DOCK4: variants seen among roughly 807,000 people sequenced by gnomAD.
DOCK4 encodes dedicator of cytokinesis 4.
DOCK4 carries 97 observed loss-of-function variants against 268.1 expected under a neutral mutation model. That is an observed-to-expected ratio of 0.36 (90% CI 0.31 to 0.43). The LOEUF is 0.43. DOCK4 is among the 20% of genes least tolerant of loss of function. The pLI, the probability that DOCK4 is intolerant of heterozygous loss-of-function variation, is 1.00. For synonymous variants in DOCK4, 954 were observed against 887.2 expected, an observed-to-expected ratio of 1.08 and a Z score of -1.34; for missense variants, 2,145 against 2,455.7, an observed-to-expected ratio of 0.87 and a Z score of 2.67.
chr7:111,963,184 T>G (rs949042285), intron 8 of DOCK4, among the ~76,000 whole-genome samples: 3 of 152,060 alleles, frequency 2.0e-5, no homozygotes, highest in Non-Finnish European at 2.9e-5. Flanking sequence ...CCATAAAAAT[T>G]TACTGTCTAG....
intron 6 of DOCK4, among the ~76,000 whole-genome samples, chr7:111,986,544 AAGAG>A (rs1799066990): frequency 6.6e-6 from 1 of 152,138 alleles, no homozygotes; most frequent in Non-Finnish European, 1.5e-5. Flanking sequence ...GCAAGTAGGG[AAGAG>A]AGAGGATGAG....
At chr7:112,164,601 A>G (rs1225391295) in intron 1 of DOCK4, among the ~76,000 whole-genome samples, 2 of 152,228 alleles carry the variant, frequency 1.3e-5, no homozygotes, top group African/African-American at 4.8e-5. Flanking sequence ...AATTCAACAC[A>G]TGGAAAAGTC....
At chr7:111,784,018 T>A in intron 33 of DOCK4, 66 bp from the exon 34 acceptor site, 6 of 1,570,622 alleles carry the variant, frequency 3.8e-6, no homozygotes, top group Non-Finnish European at 5.2e-6. Flanking sequence ...ACAACCACTT[T>A]ACTTTCATCA....
At position 111,736,995 on chromosome 7, in the gene DOCK4, A is replaced by C; in HGVS notation, c.5233-6T>G. On this transcript the variant is annotated splice_region_variant and splice_polypyrimidine_tract_variant and intron_variant, in intron 49 of 52. Transcript: ENST00000428084. ...ATATGATTAAACAGCATCCTCTGCA[A>C]AGTTACAAGGGTTGATTTTTATGAT... is the stretch of plus-strand genomic sequence containing the variant. 6.2e-7 allele frequency: 1 copy of C among 1,600,710 alleles called. No homozygotes were observed. The highest frequency in any genetic ancestry group is 8.5e-7 in the Non-Finnish European group (1 of 1,173,250).
At chr7:112,166,891 C>A (rs1024308558) in intron 1 of DOCK4, among the ~76,000 whole-genome samples, 2 of 151,778 alleles carry the variant, frequency 1.3e-5, no homozygotes, top group Non-Finnish European at 2.9e-5. Flanking sequence ...GACTTGAACT[C>A]CTGAGTTCAA....
chr7:112,203,723 G>C (rs574751010), intron 1 of DOCK4, among the ~76,000 whole-genome samples: 1 of 151,486 alleles, frequency 6.6e-6, no homozygotes, highest in South Asian at 2.1e-4. Flanking sequence ...ATTAACCAAG[G>C]TTAAAAGAAA....
At chr7:112,036,966 G>A (rs920097429) in intron 1 of DOCK4, among the ~76,000 whole-genome samples, 1 of 152,042 alleles carries the variant, frequency 6.6e-6, no homozygotes, top group Non-Finnish European at 1.5e-5. Context: ...CTGCCTGACA[G>A]GATTTAACTT....
chr7:112,018,534 T>C (rs1802057472), intron 1 of DOCK4, among the ~76,000 whole-genome samples: 2 of 152,222 alleles, frequency 1.3e-5, no homozygotes, highest in African/African-American at 4.8e-5. Context: ...TTTTATAAGC[T>C]AATGAAATTA....
At position 112,024,397 on chromosome 7, in the gene DOCK4, A is replaced by C. The variant is rs553117434; in HGVS notation, c.38-20266T>G. 3.8e-4 allele frequency among the ~76,000 whole-genome samples: 58 copies of C among 152,060 alleles called. 1 individual carries two copies. Among genetic ancestry groups the C allele is most frequent in the African/African-American group, 1.3e-3 (54 of 41,458 alleles). ...ACTCCTGAACTCTCTTTCCCACCCTACTCAACCCACAATCCAAAATCTGCT... is the reference window on the plus strand; with the variant it reads ...ACTCCTGAACTCTCTTTCCCACCCTCCTCAACCCACAATCCAAAATCTGCT... On this transcript the variant is annotated intron_variant, in intron 1 of 52. Transcript: ENST00000428084.
chr7:111,994,350 A>T, intron 4 of DOCK4, 119 bp from the exon 5 acceptor site: 1 of 566,536 alleles, frequency 1.8e-6, no homozygotes, highest in Non-Finnish European at 3.0e-6. Flanking sequence ...TTCTACAGAC[A>T]GTAACCAGGA....
intron 8 of DOCK4, among the ~76,000 whole-genome samples, chr7:111,949,438 G>A (rs1424403256): frequency 6.6e-6 from 1 of 152,000 alleles, no homozygotes; most frequent in Non-Finnish European, 1.5e-5. Flanking sequence ...AATTTCACTA[G>A]TTTACACAGA....
intron 2 of DOCK4, among the ~76,000 whole-genome samples, chr7:112,001,176 C>A (rs1198198501): frequency 6.6e-6 from 1 of 152,174 alleles, no homozygotes; most frequent in Non-Finnish European, 1.5e-5. Context: ...AATTTTTATT[C>A]TGTAGAATGA....
chr7:111,972,321 T>TA (rs1324184742), intron 8 of DOCK4, among the ~76,000 whole-genome samples: 1 of 151,844 alleles, frequency 6.6e-6, no homozygotes, highest in Admixed American at 6.6e-5. Context: ...TCTGCAGCTC[T>TA]ACTCTGCCTT....
intron 16 of DOCK4, among the ~76,000 whole-genome samples, chr7:111,892,909 T>G (rs1808413004): frequency 6.6e-6 from 1 of 152,190 alleles, no homozygotes; most frequent in Non-Finnish European, 1.5e-5. Flanking sequence ...ATAACCCTAT[T>G]CATAAGAAAA....
chr7:111,928,652 A>G (rs561068206), intron 12 of DOCK4, among the ~76,000 whole-genome samples: 2 of 150,454 alleles, frequency 1.3e-5, no homozygotes, highest in South Asian at 4.2e-4. Context: ...CAGTGGCACA[A>G]TCTTGGCTCA....
chr7:111,814,965 C>T (rs17158853), intron 27 of DOCK4, among the ~76,000 whole-genome samples: 9,750 of 152,092 alleles, frequency 0.064, 1,070 homozygotes, highest in African/African-American at 0.22. Context: ...CATTAACTGT[C>T]CAATTTTAAT....
At chr7:111,812,980 G>A (rs914422319) in intron 27 of DOCK4, among the ~76,000 whole-genome samples, 1 of 152,160 alleles carries the variant, frequency 6.6e-6, no homozygotes, top group African/African-American at 2.4e-5. Flanking sequence ...CTAGAGCTCT[G>A]CAATTTGTTC....
intron 49 of DOCK4, among the ~76,000 whole-genome samples, chr7:111,738,052 C>G (rs1031936295): frequency 3.9e-5 from 6 of 152,090 alleles, no homozygotes; most frequent in Non-Finnish European, 8.8e-5. Context: ...TGTAGAAAAA[C>G]AGAAATTAGC....
chr7:111,866,134 A>T (rs2134202635), intron 22 of DOCK4, among the ~76,000 whole-genome samples: 1 of 152,328 alleles, frequency 6.6e-6, no homozygotes, highest in East Asian at 1.9e-4. Flanking sequence ...CATTTGTTAC[A>T]CAGCAATAGA....
Sources: gnomAD v4.1 joint callset for allele counts (sites outside exome capture counted in the v4.1 genomes callset) on GRCh38, gnomAD v4.1.1 for gene constraint, MANE v1.5 for transcripts, NCBI Gene and HGNC (gene_info 2026-07-23, HGNC 2026-07-21) for gene names.